The following TRPV2 variants were observed in gnomAD, a reference collection of about 807,000 sequenced individuals.
The protein encoded by TRPV2 is transient receptor potential cation channel subfamily V member 2.
A neutral mutation model predicts 91.0 loss-of-function variants in TRPV2; 58 were observed. The ratio of observed to expected loss-of-function variants is 0.64; its 90% CI spans 0.52 to 0.79. TRPV2 has a LOEUF of 0.79. Among genes scored for constraint, TRPV2 ranks in the 30% least tolerant of loss-of-function variants. The probability of loss-of-function intolerance (pLI) is 0.00; values close to 1 mark genes in which losing one functional copy is unlikely to be tolerated. For synonymous variants in TRPV2, 417 were observed against 414.8 expected (o/e 1.01, Z -0.06); for missense variants, 807 against 969.6 (o/e 0.83, Z 2.23).
rs1167449708 is a variant in TRPV2, at chr17:16,431,291, ATTTTTTT to A, written c.1588-479_1588-473del. ...TATATATATATATATATATATACAT[ATTTTTTT>A]TTTTTTTTTTTTTGAGACGAAGTCT... is the stretch of plus-strand genomic sequence containing the variant. On this transcript the variant is annotated intron_variant, in intron 10 of 14. Transcript: ENST00000338560. Among the ~76,000 whole-genome samples the A allele has an allele frequency of 9.8e-3, 660 of 67,376 alleles. 27 individuals are homozygous for A. In the East Asian group the frequency reaches 0.12, roughly 12 times the overall value. The allele number at this position is 67,376 out of a possible 152,430, so 44.2% of individuals were successfully genotyped here.
rs778240853 is a variant in TRPV2, at chr17:16,432,127, G to A, written c.1816G>A (p.Gly606Ser). The A allele has an allele frequency of 5.6e-6, 9 of 1,614,256 alleles. No homozygotes were observed. Among genetic ancestry groups the A allele is most frequent in the Non-Finnish European group, 1.7e-6 (2 of 1,180,056 alleles). Residue 606 changes from glycine to serine, a missense_variant, in exon 12 of 15, where the codon GGC becomes AGC. Gly to Ser is a moderately conservative substitution (Grantham distance 56, BLOSUM62 0). Coordinates refer to ENST00000338560, the MANE Select transcript of TRPV2 (RefSeq NM_016113.5). ...CTTGGAGCTCTTCAAATTCACCATC[G>A]GCATGGGCGAGCTGGCCTTCCAGGA... ...ASLELFKFTI[G>S]MGELAFQEQL...
Position 16,432,131 on chromosome 17 carries a change from T to G in TRPV2, c.1820T>G (p.Met607Arg), listed in dbSNP as rs1160113196. The G allele has an allele frequency of 6.2e-7, 1 of 1,614,248 alleles. No homozygotes were observed. Among genetic ancestry groups the G allele is most frequent in the Non-Finnish European group, 8.5e-7 (1 of 1,180,046 alleles). ...GAGCTCTTCAAATTCACCATCGGCA[T>G]GGGCGAGCTGGCCTTCCAGGAGCAG... ...SLELFKFTIG[M>R]GELAFQEQLH... Residue 607 changes from methionine to arginine, a missense_variant, in exon 12 of 15, where the codon ATG (methionine) becomes AGG (arginine). Met to Arg is a moderately conservative substitution (Grantham distance 91). Coordinates refer to ENST00000338560, the MANE Select transcript of TRPV2 (RefSeq NM_016113.5).
At chr17:16,417,964 C>T in intron 2 of TRPV2, 96 bp downstream of exon 2, 1 of 1,213,220 alleles carries the variant, frequency 8.2e-7, no homozygotes, top group Non-Finnish European at 1.2e-6. Context: ...AGCACCAGTG[C>T]CCCTTCCCAC....
chr17:16,418,068 C>T (rs1272743024), intron 2 of TRPV2, among the ~76,000 whole-genome samples, 200 bp downstream of exon 2: 2 of 152,072 alleles, frequency 1.3e-5, no homozygotes, highest in Non-Finnish European at 2.9e-5. Context: ...CAGAGGCTTC[C>T]CCATTCTTGG....
intron 5 of TRPV2, 94 bp downstream of exon 5, chr17:16,423,861 GC>G (rs1258050775): frequency 4.6e-6 from 6 of 1,291,630 alleles, no homozygotes; most frequent in African/African-American, 1.5e-5. Flanking sequence ...GTGGTGAAGA[GC>G]AGTGGCTTCT....
intron 13 of TRPV2, 23 bp from the exon 14 acceptor site, chr17:16,434,867 C>T (rs1230531433): frequency 6.2e-7 from 1 of 1,608,380 alleles, no homozygotes; most frequent in African/African-American, 1.3e-5. Context: ...AGGCAAACCT[C>T]AGAGCTGCTC....
At chr17:16,420,424 A>G (rs4629007) in intron 3 of TRPV2, among the ~76,000 whole-genome samples, 176 bp downstream of exon 3, 82,603 of 152,060 alleles carry the variant, frequency 0.54, 24,162 homozygotes, top group Non-Finnish European at 0.65. Context: ...GCCTCCTGTC[A>G]GTCTTGGCTG....
At position 16,432,309 on chromosome 17, in the gene TRPV2, A is replaced by ATTTTTTAAT; in HGVS notation, c.1989+9_1989+10insTTTTTTAAT. 3 of 1,594,340 alleles carry ATTTTTTAAT rather than the reference A, an allele frequency of 1.9e-6. No individual in the cohort carries two copies. Among genetic ancestry groups the ATTTTTTAAT allele is most frequent in the Admixed American group, 1.7e-5 (1 of 59,358 alleles). On this transcript the variant is annotated intron_variant, in intron 12 of 14. Coordinates refer to ENST00000338560, the MANE Select transcript of TRPV2 (RefSeq NM_016113.5). ...GCATCTGGAAGCTGCAGGTGCCACC[A>ATTTTTTAAT]GAGAGGCTCCCTGCCCCCACCCCAC... is the stretch of plus-strand genomic sequence containing the variant.
At chr17:16,428,790 G>A (rs1378253258) in intron 9 of TRPV2, 27 bp from the exon 10 acceptor site, 3 of 1,612,000 alleles carry the variant, frequency 1.9e-6, no homozygotes, top group Admixed American at 3.3e-5. Flanking sequence ...TGGCCCGCAA[G>A]CCCACCTGGA....
Position 16,431,820 on chromosome 17 carries a change from T to C in TRPV2, c.1624T>C (p.Tyr542His). 1 of 1,614,152 alleles carries C rather than the reference T, an allele frequency of 6.2e-7. No homozygotes were observed. The highest frequency in any genetic ancestry group is 8.5e-7 in the Non-Finnish European group (1 of 1,180,022). Residue 542 changes from tyrosine to histidine, a missense_variant, in exon 11 of 15, where the codon TAC becomes CAC. Transcript: ENST00000338560. ...LRDLLRFLLI[Y>H]LVFLFGFAVA... is the part of the protein sequence containing the mutation. The stretch of plus-strand genomic sequence containing the variant: ...GGACCTGCTGCGCTTCCTTCTGATC[T>C]ACTTAGTCTTCCTTTTCGGCTTCGC...
chr17:16,432,084 G>A lies in TRPV2; in HGVS notation c.1773G>A (p.Arg591=). Residue 591 remains arginine, a synonymous_variant, in exon 12 of 15, where the codon AGG becomes AGA. Transcript: ENST00000338560. ...QEDEGNGAQY[R]GILEASLELF... is the part of the protein sequence containing the mutation. ...ACGAGGGCAACGGGGCCCAGTACAG[G>A]GGTATCCTGGAAGCCTCCTTGGAGC... 1 of 1,614,206 alleles carries A rather than the reference G, an allele frequency of 6.2e-7. No homozygotes were observed. Among genetic ancestry groups the A allele is most frequent in the Non-Finnish European group, 8.5e-7 (1 of 1,180,008 alleles).
chr17:16,424,950 T>C (rs2093375880), intron 5 of TRPV2, among the ~76,000 whole-genome samples: 2 of 148,154 alleles, frequency 1.3e-5, no homozygotes, highest in Admixed American at 1.4e-4. Flanking sequence ...TACATTATAT[T>C]ATACATTATA....
In TRPV2 at chr17:16,436,941, C is replaced by A; in HGVS notation, c.*52C>A. 7.1e-7 allele frequency: 1 copy of A among 1,415,636 alleles called. No homozygotes were observed. The highest frequency in any genetic ancestry group is 1.0e-6 in the Non-Finnish European group (1 of 1,001,262). The allele number at this position is 1,415,636 out of a possible 1,614,324, so 87.7% of individuals were successfully genotyped here. A position where few individuals can be genotyped will look rare whatever the true frequency, so the allele number is the denominator to read the frequency against. On this transcript the variant is annotated 3_prime_UTR_variant, in exon 15 of 15. Transcript: ENST00000338560. The stretch of plus-strand genomic sequence containing the variant: ...GGACAGAGCAGAGGATCTTTCCAAC[C>A]ACATCTGCTGGCTCTGGGGTCCCAG...
intron 10 of TRPV2, among the ~76,000 whole-genome samples, chr17:16,431,293 T>TATATATATATATATA (rs1568919199): frequency 4.4e-5 from 2 of 44,976 alleles, no homozygotes; most frequent in Admixed American, 2.1e-4. Flanking sequence ...ATATACATAT[T>TATATATATATATATA]TTTTTTTTTT....
In TRPV2 at chr17:16,428,926, C is replaced by G. The variant is rs746450160; in HGVS notation, c.1531C>G (p.Leu511Val). 6.8e-6 allele frequency: 11 copies of G among 1,614,204 alleles called. No individual in the cohort carries two copies. The part of the protein sequence containing the change: ...SALVLGWLNL[L>V]YYTRGFQHTG... The stretch of plus-strand genomic sequence containing the variant: ...GCTGGTGCTGGGCTGGCTGAACCTG[C>G]TTTACTATACACGTGGCTTCCAGCA... Residue 511 changes from leucine (L) to valine (V), a missense_variant, in exon 10 of 15, where the codon CTT (leucine) becomes GTT (valine). Coordinates refer to ENST00000338560, the MANE Select transcript of TRPV2 (RefSeq NM_016113.5).
intron 10 of TRPV2, among the ~76,000 whole-genome samples, chr17:16,429,588 A>G (rs2093400462): frequency 6.6e-6 from 1 of 152,164 alleles, no homozygotes; most frequent in African/African-American, 2.4e-5. Flanking sequence ...TAAAGAGGGG[A>G]TGTTTAAGTT....
chr17:16,434,206 T>C (rs4998923), intron 13 of TRPV2, among the ~76,000 whole-genome samples: 150,229 of 152,242 alleles, frequency 0.99, 74,133 homozygotes, highest in Middle Eastern at 1. Context: ...CAGTGGCTCA[T>C]GCCTGTAATC....
chr17:16,428,916 G>C lies in TRPV2; in HGVS notation c.1521G>C (p.Trp507Cys), dbSNP rs745791007. The change falls in exon 10 of 15, where the codon TGG becomes TGC. Residue 507 changes from tryptophan (W) to cysteine (C), a missense_variant. By Grantham distance (215) the Trp-to-Cys change is radical. Transcript: ENST00000338560. ...TTGTGTCTGCGCTGGTGCTGGGCTG[G>C]CTGAACCTGCTTTACTATACACGTG... ...PLLVSALVLG[W>C]LNLLYYTRGF... is the part of the protein sequence containing the mutation. 6.2e-7 allele frequency: 1 copy of C among 1,614,184 alleles called. No homozygotes were observed. The highest frequency in any genetic ancestry group is 8.5e-7 in the Non-Finnish European group (1 of 1,180,038).
In TRPV2 at chr17:16,426,215, C is replaced by T; in HGVS notation, c.1041C>T (p.Asp347=). Residue 347 remains aspartate, a synonymous_variant, in exon 6 of 15, where the codon GAC becomes GAT. Coordinates refer to ENST00000338560, the MANE Select transcript of TRPV2 (RefSeq NM_016113.5). The surrounding 1 kb of genome is among the most constrained non-coding windows in gnomAD (Gnocchi z 6.0). ...RVSLYDLASV[D]SCEENSVLEI... is the part of the protein sequence containing the mutation. ...CGCTGTATGACCTGGCTTCTGTGGACAGCTGTGAGGAGAACTCAGTGCTGG... is the reference window on the plus strand; with the variant it reads ...CGCTGTATGACCTGGCTTCTGTGGATAGCTGTGAGGAGAACTCAGTGCTGG... 2 of 1,614,200 alleles carry T rather than the reference C, an allele frequency of 1.2e-6. No homozygotes were observed. Among genetic ancestry groups the T allele is most frequent in the Admixed American group, 1.7e-5 (1 of 60,016 alleles).
Sources: gnomAD v4.1 joint callset for allele counts (sites outside exome capture counted in the v4.1 genomes callset) on GRCh38, gnomAD v4.1.1 for gene constraint, Gnocchi (gnomAD v3.1) non-coding constraint, MANE v1.5 for transcripts, NCBI Gene and HGNC (gene_info 2026-07-23, HGNC 2026-07-21) for gene names.